The following SLC9A4 variants were observed in gnomAD, a reference collection of about 807,000 sequenced individuals.
SLC9A4 encodes sodium/hydrogen exchanger 4.
In SLC9A4, 63 loss-of-function variants were observed where a neutral mutation model predicts 67.4. The ratio of observed to expected loss-of-function variants is 0.93; its 90% CI spans 0.76 to 1.15. The LOEUF (loss-of-function observed/expected upper bound fraction) is 1.15, where lower values mean the gene tolerates loss of function less well. Among genes scored for constraint, SLC9A4 ranks in the 50% most tolerant of loss-of-function variants. SLC9A4 has a pLI of 0.00. For missense variants in SLC9A4, 1,089 were observed against 987.7 expected, an observed-to-expected ratio of 1.10 and a Z score of -1.38; for synonymous variants, 393 against 367.2, an observed-to-expected ratio of 1.07 and a Z score of -0.80.
chr2:102,507,302 A>C (rs1486898243), intron 4 of SLC9A4, among the ~76,000 whole-genome samples: 2 of 152,200 alleles, frequency 1.3e-5, no homozygotes, highest in African/African-American at 2.4e-5. Context: ...GCACATGAGG[A>C]TGTGGAGAGT....
chr2:102,504,706 C>G (rs563203430), intron 3 of SLC9A4, among the ~76,000 whole-genome samples: 15 of 152,326 alleles, frequency 9.8e-5, no homozygotes, highest in African/African-American at 3.6e-4. Context: ...CTGTCACTTT[C>G]CCACCTGGAA....
Position 102,473,852 on chromosome 2 carries a change from T to A in SLC9A4, c.93T>A (p.Asn31Lys). The A allele has an allele frequency of 1.9e-6, 3 of 1,614,136 alleles. No homozygotes were observed. Among genetic ancestry groups the A allele is most frequent in the Non-Finnish European group, 2.5e-6 (3 of 1,179,968 alleles). The change falls in exon 1 of 12, where the codon AAT (asparagine) becomes AAA (lysine). Residue 31 changes from asparagine (N) to lysine (K), a missense_variant. Asn to Lys is a moderately conservative substitution (Grantham distance 94, BLOSUM62 0). Coordinates refer to ENST00000295269, the MANE Select transcript of SLC9A4 (RefSeq NM_001011552.4). ...GTTCTGAAGCATCTTCTGATTTGAA[T>A]GAATCTGCAAATTCCACTGCTCAGT... ...LECSEASSDL[N>K]ESANSTAQYA... is the part of the protein sequence containing the mutation.
Position 102,482,037 on chromosome 2 carries a change from G to A in SLC9A4, c.720+2735G>A, listed in dbSNP as rs183329658. On this transcript the variant is annotated intron_variant, in intron 2 of 11. Transcript: ENST00000295269. ...GGACGTCAAATCATTTATTCATAGC[G>A]AGAATCCCTAACTTTTGAGGCAAGG... 8.5e-5 allele frequency among the ~76,000 whole-genome samples: 13 copies of A among 152,288 alleles called. No homozygotes were observed. In the East Asian group the frequency reaches 1.5e-3, roughly 18 times the overall value.
At chr2:102,506,513 G>A (rs1006927405) in intron 4 of SLC9A4, among the ~76,000 whole-genome samples, 3 of 152,160 alleles carry the variant, frequency 2.0e-5, no homozygotes, top group African/African-American at 7.2e-5. Flanking sequence ...CTCCTTGGGG[G>A]AGAATAGAGG....
intron 2 of SLC9A4, among the ~76,000 whole-genome samples, chr2:102,490,209 G>T (rs1684667382): frequency 6.6e-6 from 1 of 152,116 alleles, no homozygotes; most frequent in Admixed American, 6.5e-5. Flanking sequence ...TAATTGTAAA[G>T]ATATGCAAGG....
At chr2:102,475,556 C>T (rs564817789) in intron 1 of SLC9A4, among the ~76,000 whole-genome samples, 130 of 152,160 alleles carry the variant, frequency 8.5e-4, no homozygotes, top group South Asian at 5.4e-3. Context: ...TGTCTAGGAG[C>T]GAAGAACACT....
At position 102,532,313 on chromosome 2, in the gene SLC9A4, C is replaced by A. The variant is rs754226908; in HGVS notation, c.2039-17C>A. ...TAAGTCTTGTTCTTTCCCCTTCTTGCCATGATGTTTTCCTAGATGATGACA... is the reference window on the plus strand; with the variant it reads ...TAAGTCTTGTTCTTTCCCCTTCTTGACATGATGTTTTCCTAGATGATGACA... On this transcript the variant is annotated splice_polypyrimidine_tract_variant and intron_variant, in intron 11 of 11. Coordinates refer to ENST00000295269, the MANE Select transcript of SLC9A4 (RefSeq NM_001011552.4). 1 of 1,602,176 alleles carries A rather than the reference C, an allele frequency of 6.2e-7. No homozygotes were observed. Among genetic ancestry groups the A allele is most frequent in the Non-Finnish European group, 8.5e-7 (1 of 1,173,662 alleles).
At chr2:102,503,106 A>T (rs1252190054) in intron 2 of SLC9A4, among the ~76,000 whole-genome samples, 1 of 152,206 alleles carries the variant, frequency 6.6e-6, no homozygotes, top group Non-Finnish European at 1.5e-5. Flanking sequence ...TTTAAGGAAA[A>T]ATTGCTTAAA....
intron 2 of SLC9A4, among the ~76,000 whole-genome samples, chr2:102,496,321 C>A (rs547768526): frequency 2.0e-5 from 3 of 152,194 alleles, no homozygotes; most frequent in African/African-American, 7.2e-5. Flanking sequence ...CAGTGAAATG[C>A]CACCCATCCA....
At chr2:102,501,456 G>A (rs1180138359) in intron 2 of SLC9A4, among the ~76,000 whole-genome samples, 1 of 151,954 alleles carries the variant, frequency 6.6e-6, no homozygotes, top group Non-Finnish European at 1.5e-5. Context: ...CGTTGGCAAG[G>A]CTGGTCTCGA....
At chr2:102,475,357 T>C (rs1308685216) in intron 1 of SLC9A4, among the ~76,000 whole-genome samples, 1 of 152,240 alleles carries the variant, frequency 6.6e-6, no homozygotes, top group East Asian at 1.9e-4. Flanking sequence ...TTCCACAACC[T>C]GGCTTCCTCT....
At chr2:102,504,636 T>G (rs1435683490) in intron 3 of SLC9A4, among the ~76,000 whole-genome samples, 1 of 152,278 alleles carries the variant, frequency 6.6e-6, no homozygotes, top group Non-Finnish European at 1.5e-5. Context: ...CAGATACATT[T>G]AATTTTATTG....
intron 1 of SLC9A4, 63 bp downstream of exon 1, chr2:102,474,078 T>C: frequency 6.4e-7 from 1 of 1,552,136 alleles, no homozygotes; most frequent in Non-Finnish European, 8.7e-7. Flanking sequence ...AATGTGAAAA[T>C]GCCTTATAGA....
chr2:102,489,379 G>T (rs532940268), intron 2 of SLC9A4, among the ~76,000 whole-genome samples: 8 of 152,098 alleles, frequency 5.3e-5, no homozygotes, highest in African/African-American at 9.7e-5. Context: ...GAAATTGTTC[G>T]GTAGTTATAG....
chr2:102,516,075 G>T (rs186857538), intron 8 of SLC9A4, among the ~76,000 whole-genome samples: 1 of 152,280 alleles, frequency 6.6e-6, no homozygotes, highest in African/African-American at 2.4e-5. Flanking sequence ...TCAGTCTGCC[G>T]GGTGGCAAAG....
chr2:102,525,248 C>A, intron 10 of SLC9A4, 93 bp downstream of exon 10: 1 of 1,554,438 alleles, frequency 6.4e-7, no homozygotes, highest in Non-Finnish European at 8.7e-7. Context: ...ACATGCATGA[C>A]CATCGATGCT....
chr2:102,475,828 T>C (rs1280874614), intron 1 of SLC9A4, among the ~76,000 whole-genome samples: 2 of 152,198 alleles, frequency 1.3e-5, no homozygotes, highest in Admixed American at 1.3e-4. Context: ...AAGGGCTTGT[T>C]TACTAGGGCC....
Position 102,526,332 on chromosome 2 carries a change from C to A in SLC9A4, c.2024C>A (p.Ala675Asp), listed in dbSNP as rs760507179. 34 of 1,613,670 alleles carry A rather than the reference C, an allele frequency of 2.1e-5. No homozygotes were observed. In the South Asian group the frequency reaches 3.6e-4, roughly 17 times the overall value. ...CAGTCTGCAGGAAGAGACACAAGGG[C>A]TGCTGGGTTCTCAGGTAAGCTGCCC... is the stretch of plus-strand genomic sequence containing the variant. ...NPQSAGRDTR[A>D]AGFSDDDSSD... The change falls in exon 11 of 12, where the codon GCT (alanine) becomes GAT (aspartate). Residue 675 changes from alanine to aspartate, a missense_variant. By Grantham distance (126) the Ala-to-Asp change is moderately radical. Coordinates refer to ENST00000295269, the MANE Select transcript of SLC9A4 (RefSeq NM_001011552.4).
At chr2:102,490,930 A>G (rs1203041200) in intron 2 of SLC9A4, among the ~76,000 whole-genome samples, 3 of 152,234 alleles carry the variant, frequency 2.0e-5, no homozygotes. Flanking sequence ...AGCAGTTACC[A>G]TATTGAACAT....
Sources: gnomAD v4.1 joint callset for allele counts (sites outside exome capture counted in the v4.1 genomes callset) on GRCh38, gnomAD v4.1.1 for gene constraint, MANE v1.5 for transcripts, NCBI Gene and HGNC (gene_info 2026-07-23, HGNC 2026-07-21) for gene names.